PTPRG: variants seen among roughly 807,000 people sequenced by gnomAD.
The protein encoded by PTPRG is receptor-type tyrosine-protein phosphatase gamma.
In PTPRG, 102 loss-of-function variants were observed where a neutral mutation model predicts 165.3. That is an observed-to-expected ratio of 0.62 (90% confidence interval 0.53 to 0.73). The LOEUF is 0.73. PTPRG is among the 30% of genes least tolerant of loss of function. PTPRG has a pLI of 0.00. For synonymous variants in PTPRG, 675 were observed against 669.5 expected (o/e 1.01, Z -0.13); for missense variants, 1,866 against 1,861.4 (o/e 1.00, Z -0.05).
At chr3:61,803,039 C>T (rs2035296244) in intron 2 of PTPRG, among the ~76,000 whole-genome samples, 1 of 152,190 alleles carries the variant, frequency 6.6e-6, no homozygotes, top group Admixed American at 6.5e-5. Flanking sequence ...AATATTGGAA[C>T]ATAGCCACAT....
At chr3:61,834,618 T>A (rs2036406796) in intron 2 of PTPRG, among the ~76,000 whole-genome samples, 1 of 152,056 alleles carries the variant, frequency 6.6e-6, no homozygotes, top group Non-Finnish European at 1.5e-5. Flanking sequence ...ATCGAGACCA[T>A]CCTGGCCAAC....
chr3:62,133,896 T>A (rs1354269138), intron 6 of PTPRG, among the ~76,000 whole-genome samples: 1 of 151,872 alleles, frequency 6.6e-6, no homozygotes, highest in East Asian at 1.9e-4. Flanking sequence ...GGCAGGAGAA[T>A]CACTTGAATC....
intron 2 of PTPRG, among the ~76,000 whole-genome samples, chr3:61,818,824 A>AAGTGAAATAGTGAAT (rs1559629574): frequency 4.7e-5 from 7 of 149,948 alleles, no homozygotes; most frequent in African/African-American, 1.8e-4. Flanking sequence ...GGGCCCTTTA[A>AAGTGAAATAGTGAAT]AGTGAAATAG....
chr3:62,060,141 G>A (rs1227597030), intron 4 of PTPRG, among the ~76,000 whole-genome samples: 1 of 151,292 alleles, frequency 6.6e-6, no homozygotes, highest in Non-Finnish European at 1.5e-5. Context: ...GAGCCCAGGA[G>A]GTCGAGGCTG....
chr3:62,045,087 A>T (rs1389144747), intron 4 of PTPRG, among the ~76,000 whole-genome samples: 1 of 152,170 alleles, frequency 6.6e-6, no homozygotes, highest in African/African-American at 2.4e-5. Context: ...TGAAACTCAT[A>T]GTAGTTGTCT....
In PTPRG at chr3:62,254,339, C is replaced by T. The variant is rs1701486121; in HGVS notation, c.2468-785C>T. On this transcript the variant is annotated intron_variant, in intron 15 of 29. Coordinates refer to ENST00000474889, the MANE Select transcript of PTPRG (RefSeq NM_002841.4). This position sits in a 1 kb window ranked among gnomAD's most constrained non-coding sequence, Gnocchi z 4.6. ...AGGGAAGAAGGAGGTTGGGGAGCTC[C>T]AGTTAGTTGGGTGTGGCTATTTTAT... Among the ~76,000 whole-genome samples the T allele has an allele frequency of 6.6e-6, 1 of 152,070 alleles. No individual in the cohort carries two copies. The highest frequency in any genetic ancestry group is 2.4e-5 in the African/African-American group (1 of 41,414).
rs553047270 is a variant in PTPRG, at chr3:62,258,403, G to C, written c.2559+3188G>C. Among the ~76,000 whole-genome samples the C allele has an allele frequency of 1.9e-4, 29 of 152,260 alleles. No homozygotes were observed. In the South Asian group the frequency reaches 5.6e-3, roughly 29 times the overall value. On this transcript the variant is annotated intron_variant, in intron 16 of 29. Transcript: ENST00000474889. ...ATCTGGTACTGGGGGAGGCCAGAGT[G>C]TACACAACCAAAACAGAAACAGGAC...
chr3:62,113,487 G>A (rs535695414), intron 5 of PTPRG, among the ~76,000 whole-genome samples: 5 of 152,110 alleles, frequency 3.3e-5, no homozygotes, highest in East Asian at 1.9e-4. Context: ...GATCCAAATC[G>A]TAAAATACAC....
In PTPRG at chr3:62,011,929, T is replaced by G. The variant is rs143997104; in HGVS notation, c.519+8432T>G. Among the ~76,000 whole-genome samples, 249 of 152,244 alleles carry G rather than the reference T, an allele frequency of 1.6e-3. 1 individual carries two copies. Among genetic ancestry groups the G allele is most frequent in the African/African-American group, 5.9e-3 (244 of 41,536 alleles). On this transcript the variant is annotated intron_variant, in intron 4 of 29. Transcript: ENST00000474889. ...TAGCTGTTTGAATCATACCAAAAAC[T>G]ACAGTAAAGAAGATGGCACACTCTG...
chr3:61,758,377 A>G (rs928894235), intron 2 of PTPRG, among the ~76,000 whole-genome samples: 1 of 152,214 alleles, frequency 6.6e-6, no homozygotes, highest in Non-Finnish European at 1.5e-5. Flanking sequence ...TGTTTGGTAA[A>G]TAACATATTG....
At chr3:62,079,104 T>G (rs571732954) in intron 5 of PTPRG, among the ~76,000 whole-genome samples, 113 of 152,360 alleles carry the variant, frequency 7.4e-4, no homozygotes, top group Admixed American at 1.2e-3. Flanking sequence ...CATAAGAGCC[T>G]TCTCCAACAC....
chr3:61,792,164 G>A (rs1210461090), intron 2 of PTPRG, among the ~76,000 whole-genome samples: 1 of 151,908 alleles, frequency 6.6e-6, no homozygotes, highest in East Asian at 1.9e-4. Flanking sequence ...ACTCTGGCAG[G>A]CACATGACTT....
At chr3:62,123,893 T>C (rs879654399) in intron 5 of PTPRG, among the ~76,000 whole-genome samples, 3 of 152,170 alleles carry the variant, frequency 2.0e-5, no homozygotes, top group Admixed American at 6.5e-5. Flanking sequence ...TCTGCTTAGA[T>C]TGGGCAATTC....
At chr3:61,767,742 G>A (rs1377987032) in intron 2 of PTPRG, among the ~76,000 whole-genome samples, 2 of 152,116 alleles carry the variant, frequency 1.3e-5, no homozygotes, top group African/African-American at 4.8e-5. Flanking sequence ...GCCGAGGTGG[G>A]AGGATCGCTT....
chr3:61,998,698 G>T (rs555807787), intron 3 of PTPRG, among the ~76,000 whole-genome samples: 2 of 152,312 alleles, frequency 1.3e-5, no homozygotes, highest in Admixed American at 6.5e-5. Flanking sequence ...TCTAGGTTAA[G>T]AAACCCTGAA....
chr3:62,282,575 G>C lies in PTPRG; in HGVS notation c.3913-152G>C, dbSNP rs535241320. On this transcript the variant is annotated intron_variant, in intron 27 of 29. Transcript: ENST00000474889. ...AAAACAAAAAAAAAAAACCTTCCTG[G>C]TATTTTTCTTCTTTCCAGCTGTGGT... 39 of 703,250 alleles carry C rather than the reference G, an allele frequency of 5.5e-5. No individual in the cohort carries two copies. The African/African-American group carries it at 7.1e-4, about 13-fold the overall frequency. 43.6% of individuals were successfully genotyped at this position (703,250 alleles called of 1,614,324 possible). A position where few individuals can be genotyped will look rare whatever the true frequency, so the allele number is the denominator to read the frequency against.
At chr3:61,620,138 T>C (rs1701411106) in intron 1 of PTPRG, among the ~76,000 whole-genome samples, 1 of 152,140 alleles carries the variant, frequency 6.6e-6, no homozygotes, top group Non-Finnish European at 1.5e-5. Context: ...CTGATTTTTT[T>C]TTTCCCTGCC....
intron 1 of PTPRG, among the ~76,000 whole-genome samples, chr3:61,731,887 C>A (rs1291866873): frequency 1.3e-5 from 2 of 149,954 alleles, no homozygotes; most frequent in African/African-American, 4.9e-5. Flanking sequence ...CTGCAACCTT[C>A]ACCTCCCAGG....
intron 2 of PTPRG, among the ~76,000 whole-genome samples, chr3:61,806,938 G>A (rs1431899169): frequency 1.3e-5 from 2 of 152,332 alleles, no homozygotes; most frequent in East Asian, 1.9e-4. Flanking sequence ...CAGCACCACA[G>A]CTTTTGTCAC....
Sources: gnomAD v4.1 joint callset for allele counts (sites outside exome capture counted in the v4.1 genomes callset) on GRCh38, gnomAD v4.1.1 for gene constraint, Gnocchi (gnomAD v3.1) non-coding constraint, MANE v1.5 for transcripts, NCBI Gene and HGNC (gene_info 2026-07-23, HGNC 2026-07-21) for gene names.